Variants in GPR4 observed in about 807,000 individuals in gnomAD.
The protein encoded by GPR4 is G protein-coupled receptor 4, also known as G-prodeshotein coupled receptor 4.
Under a neutral mutation model 17.8 loss-of-function variants are expected in GPR4, and 11 were observed. The observed-to-expected ratio is 0.62, with a 90% CI of 0.39 to 1.02. The LOEUF is 1.02. Among genes scored for constraint, GPR4 ranks in the 50% least tolerant of loss-of-function variants. The probability of loss-of-function intolerance (pLI) is 0.00; values close to 1 mark genes in which losing one functional copy is unlikely to be tolerated. For missense variants in GPR4, 364 were observed against 495.4 expected (o/e 0.73, Z 2.52); for synonymous variants, 219 against 222.8 (o/e 0.98, Z 0.15).
chr19:45,596,446 C>G (rs1044794479), intron 1 of GPR4, among the ~76,000 whole-genome samples: 4 of 152,144 alleles, frequency 2.6e-5, no homozygotes, highest in Non-Finnish European at 4.4e-5. Flanking sequence ...CTCAGGTGAT[C>G]CACCCACCTT....
rs1381548726 is a variant in GPR4, at chr19:45,592,708, A to G, written c.-831-11T>C. 2 of 166,528 alleles carry G rather than the reference A, an allele frequency of 1.2e-5. No homozygotes were observed. Among genetic ancestry groups the G allele is most frequent in the Admixed American group, 6.6e-5 (1 of 15,256 alleles). The allele number at this position is 166,528 out of a possible 1,614,324, so 10.3% of individuals were successfully genotyped here. A position where few individuals can be genotyped will look rare whatever the true frequency, so the allele number is the denominator to read the frequency against. ...CGCTGACTGCAGTGCCTGTTGGGAG[A>G]GAGGACAGCAGTGAGGGAGTCATGG... is the stretch of plus-strand genomic sequence containing the variant. On this transcript the variant is annotated splice_polypyrimidine_tract_variant and intron_variant, in intron 1 of 1. Transcript: ENST00000323040.
chr19:45,594,875 C>T (rs142541729), intron 1 of GPR4, among the ~76,000 whole-genome samples: 1,608 of 151,842 alleles, frequency 0.011, 26 homozygotes, highest in African/African-American at 0.037. Flanking sequence ...CCCAGCTACT[C>T]GGGATGCTGA....
rs1969976092 is a variant in GPR4 at position 45,590,322 on chromosome 19, G to C, written c.*456C>G. On this transcript the variant is annotated 3_prime_UTR_variant, in exon 2 of 2. Coordinates refer to ENST00000323040, the MANE Select transcript of GPR4 (RefSeq NM_005282.3). ...GGAGGCCAAGGCAGGAGGATCTCTT[G>C]AGCCCAGGAGTTCAAGATCAGCCTG... 1 of 155,680 alleles carries C rather than the reference G, an allele frequency of 6.4e-6. No homozygotes were observed. Among genetic ancestry groups the C allele is most frequent in the African/African-American group, 2.4e-5 (1 of 41,548 alleles). 9.6% of individuals were successfully genotyped at this position (155,680 alleles called of 1,614,324 possible).
intron 1 of GPR4, among the ~76,000 whole-genome samples, chr19:45,600,887 TCTTCCATCTGGGCC>T (rs1970104562): frequency 6.6e-6 from 1 of 152,202 alleles, no homozygotes; most frequent in Non-Finnish European, 1.5e-5. Flanking sequence ...CTCCAATGCT[TCTTCCATCTGGGCC>T]CTTCCATTCA....
Position 45,590,604 on chromosome 19 carries a change from G to T in GPR4, c.*174C>A. On this transcript the variant is annotated 3_prime_UTR_variant, in exon 2 of 2. Coordinates refer to ENST00000323040, the MANE Select transcript of GPR4 (RefSeq NM_005282.3). ...CTCCACAATCGCCAAACTGTGATGG[G>T]ATCTGGGAGCACAAAGGTTGACCAG... 1 of 745,192 alleles carries T rather than the reference G, an allele frequency of 1.3e-6. No homozygotes were observed. Among genetic ancestry groups the T allele is most frequent in the Non-Finnish European group, 2.1e-6 (1 of 481,206 alleles). 46.2% of individuals were successfully genotyped at this position (745,192 alleles called of 1,614,324 possible).
rs748198814 is a variant in GPR4 at position 45,591,171 on chromosome 19, G to T, written c.696C>A (p.Ile232=). The part of the protein sequence containing the change: ...IKRLALSLIA[I]VLVCFAPYHV... Reference sequence around the variant, plus strand: ...GATAGGGCGCAAAGCAGACCAGCACGATGGCGATGAGGCTGAGGGCCAGCC... The same window carrying T: ...GATAGGGCGCAAAGCAGACCAGCACTATGGCGATGAGGCTGAGGGCCAGCC... Residue 232 remains isoleucine, a synonymous_variant, in exon 2 of 2, where the codon ATC becomes ATA. Transcript: ENST00000323040. This position sits in a 1 kb window ranked among gnomAD's most constrained non-coding sequence, Gnocchi z 7.6. 9 of 1,613,526 alleles carry T rather than the reference G, an allele frequency of 5.6e-6. No homozygotes were observed. The highest frequency in any genetic ancestry group is 7.6e-6 in the Non-Finnish European group (9 of 1,180,012).
Position 45,592,219 on chromosome 19 carries a change from C to G in GPR4, c.-353G>C. 1 of 235,920 alleles carries G rather than the reference C, an allele frequency of 4.2e-6. No homozygotes were observed. The highest frequency in any genetic ancestry group is 8.9e-6 in the Non-Finnish European group (1 of 112,116). The allele number at this position is 235,920 out of a possible 1,614,324, so 14.6% of individuals were successfully genotyped here. On this transcript the variant is annotated 5_prime_UTR_variant, in exon 2 of 2. Transcript: ENST00000323040. The stretch of plus-strand genomic sequence containing the variant: ...TCTCCGGGAGTGTTTATGGAGGAGA[C>G]GAAAGCATCGCTGGGCAATGGTGAG...
At chr19:45,596,541 C>CTTCTT (rs1970060575) in intron 1 of GPR4, among the ~76,000 whole-genome samples, 1 of 151,272 alleles carries the variant, frequency 6.6e-6, no homozygotes, top group Admixed American at 6.6e-5. Flanking sequence ...TCTTTCTTTT[C>CTTCTT]TTCTTTTCTT....
At position 45,590,949 on chromosome 19, in the gene GPR4, G is replaced by T; in HGVS notation, c.918C>A (p.Arg306=). The change falls in exon 2 of 2, where the codon CGC becomes CGA. Residue 306 remains arginine (R), a synonymous_variant. Coordinates refer to ENST00000323040, the MANE Select transcript of GPR4 (RefSeq NM_005282.3). ...CCTGGGGCTTGTCGCTGGCCAGAAA[G>T]CGGAGCAGGTTGTGCAGGGCCTTGG... The part of the protein sequence containing the change: ...DVAKALHNLL[R]FLASDKPQEM... 1 of 1,614,062 alleles carries T rather than the reference G, an allele frequency of 6.2e-7. No homozygotes were observed. The highest frequency in any genetic ancestry group is 8.5e-7 in the Non-Finnish European group (1 of 1,180,032).
At chr19:45,595,171 G>T (rs1235994403) in intron 1 of GPR4, among the ~76,000 whole-genome samples, 2 of 152,086 alleles carry the variant, frequency 1.3e-5, no homozygotes, top group Non-Finnish European at 2.9e-5. Context: ...AGCTACTTGG[G>T]AGGCTGAGGT....
At position 45,592,591 on chromosome 19, in the gene GPR4, T is replaced by C. The variant is rs1203937789; in HGVS notation, c.-725A>G. The C allele has an allele frequency of 6.0e-6, 1 of 166,908 alleles. No individual in the cohort carries two copies. Among genetic ancestry groups the C allele is most frequent in the Non-Finnish European group, 1.5e-5 (1 of 68,198 alleles). The allele number at this position is 166,908 out of a possible 1,614,324, so 10.3% of individuals were successfully genotyped here. A position where few individuals can be genotyped will look rare whatever the true frequency, so the allele number is the denominator to read the frequency against. On this transcript the variant is annotated 5_prime_UTR_variant, in exon 2 of 2. Coordinates refer to ENST00000323040, the MANE Select transcript of GPR4 (RefSeq NM_005282.3). ...AGTAAGGTCTAGATCAGAGGTAAGT[T>C]TGGGGACGGAAGGGAAATTTCAATG...
Position 45,591,173 on chromosome 19 carries a change from T to C in GPR4, c.694A>G (p.Ile232Val), listed in dbSNP as rs1969989323. 1 of 1,613,436 alleles carries C rather than the reference T, an allele frequency of 6.2e-7. No homozygotes were observed. Reference sequence around the variant, plus strand: ...TAGGGCGCAAAGCAGACCAGCACGATGGCGATGAGGCTGAGGGCCAGCCGC... The same window carrying C: ...TAGGGCGCAAAGCAGACCAGCACGACGGCGATGAGGCTGAGGGCCAGCCGC... ...IKRLALSLIA[I>V]VLVCFAPYHV... Residue 232 changes from isoleucine to valine, a missense_variant, in exon 2 of 2, where the codon ATC (isoleucine) becomes GTC (valine). Physicochemically the swap from Ile to Val is conservative, Grantham distance 29. Coordinates refer to ENST00000323040, the MANE Select transcript of GPR4 (RefSeq NM_005282.3). The surrounding 1 kb of genome is among the most constrained non-coding windows in gnomAD (Gnocchi z 7.6).
chr19:45,601,384 C>A (rs544381514), intron 1 of GPR4, among the ~76,000 whole-genome samples: 6 of 152,214 alleles, frequency 3.9e-5, no homozygotes, highest in African/African-American at 1.4e-4. Flanking sequence ...GTCCACCCCC[C>A]AGGCAGGAAT....
rs749571802 is a variant in GPR4, at chr19:45,591,878, C to A, written c.-12G>T. The stretch of plus-strand genomic sequence containing the variant: ...GTGTGGTTGCCCATGGTGGGCACTT[C>A]GGCTTCTGGGGCGCTTCCCCTGGCC... On this transcript the variant is annotated 5_prime_UTR_variant, in exon 2 of 2. Transcript: ENST00000323040. The surrounding 1 kb of genome is among the most constrained non-coding windows in gnomAD (Gnocchi z 7.6). 6.5e-7 allele frequency: 1 copy of A among 1,540,918 alleles called. No individual in the cohort carries two copies. The highest frequency in any genetic ancestry group is 1.2e-5 in the South Asian group (1 of 80,314).
chr19:45,591,889 G>T lies in GPR4; in HGVS notation c.-23C>A. ...CATGGTGGGCACTTCGGCTTCTGGGGCGCTTCCCCTGGCCCACGGGGGCTG... is the reference window on the plus strand; with the variant it reads ...CATGGTGGGCACTTCGGCTTCTGGGTCGCTTCCCCTGGCCCACGGGGGCTG... On this transcript the variant is annotated 5_prime_UTR_variant, in exon 2 of 2. Coordinates refer to ENST00000323040, the MANE Select transcript of GPR4 (RefSeq NM_005282.3). This position sits in a 1 kb window ranked among gnomAD's most constrained non-coding sequence, Gnocchi z 7.6. 6.5e-7 allele frequency: 1 copy of T among 1,535,930 alleles called. No individual in the cohort carries two copies. The highest frequency in any genetic ancestry group is 8.8e-7 in the Non-Finnish European group (1 of 1,139,310).
chr19:45,591,900 G>A lies in GPR4; in HGVS notation c.-34C>T. ...CTTCGGCTTCTGGGGCGCTTCCCCT[G>A]GCCCACGGGGGCTGTGGGGCCACAG... On this transcript the variant is annotated 5_prime_UTR_variant, in exon 2 of 2. Transcript: ENST00000323040. The surrounding 1 kb of genome is among the most constrained non-coding windows in gnomAD (Gnocchi z 7.6). 1 of 1,526,168 alleles carries A rather than the reference G, an allele frequency of 6.6e-7. No individual in the cohort carries two copies. Among genetic ancestry groups the A allele is most frequent in the Non-Finnish European group, 8.8e-7 (1 of 1,136,850 alleles). 94.5% of individuals were successfully genotyped at this position (1,526,168 alleles called of 1,614,324 possible). A position where few individuals can be genotyped will look rare whatever the true frequency, so the allele number is the denominator to read the frequency against.
At chr19:45,601,753 T>C (rs1399097235) in intron 1 of GPR4, among the ~76,000 whole-genome samples, 3 of 141,436 alleles carry the variant, frequency 2.1e-5, no homozygotes, top group Non-Finnish European at 4.6e-5. Context: ...CAGACGGGGG[T>C]GAGGCAGAGG....
Position 45,597,852 on chromosome 19 carries a change from G to A in GPR4, c.-832+4243C>T, listed in dbSNP as rs546680622. On this transcript the variant is annotated intron_variant, in intron 1 of 1. Coordinates refer to ENST00000323040, the MANE Select transcript of GPR4 (RefSeq NM_005282.3). ...TCCGCTTCTTAATTGACTTTGAAAG[G>A]TCAGGGCTGAGTCGTGCTCAGTAAG... Among the ~76,000 whole-genome samples the A allele has an allele frequency of 3.9e-5, 6 of 152,214 alleles. No homozygotes were observed. The South Asian group carries it at 1.0e-3, about 26-fold the overall frequency.
intron 1 of GPR4, among the ~76,000 whole-genome samples, chr19:45,593,942 C>T (rs951829211): frequency 6.7e-6 from 1 of 149,002 alleles, no homozygotes; most frequent in African/African-American, 2.5e-5. Context: ...TGCAGTAGCA[C>T]GATCACAGCT....
Sources: gnomAD v4.1 joint callset for allele counts (sites outside exome capture counted in the v4.1 genomes callset) on GRCh38, gnomAD v4.1.1 for gene constraint, Gnocchi (gnomAD v3.1) non-coding constraint, MANE v1.5 for transcripts, NCBI Gene and HGNC (gene_info 2026-07-23, HGNC 2026-07-21) for gene names.